Variants in STAC3 observed in about 807,000 individuals in gnomAD.
The protein encoded by STAC3 is SH3 and cysteine-rich domain-containing protein 3.
In STAC3, 30 loss-of-function variants were observed where a neutral mutation model predicts 48.5. That is an observed-to-expected ratio of 0.62 (90% CI 0.46 to 0.84). STAC3 has a LOEUF of 0.84. Among genes scored for constraint, STAC3 ranks in the 40% least tolerant of loss-of-function variants. The pLI is 0.00. For synonymous variants in STAC3, 144 were observed against 158.6 expected, an observed-to-expected ratio of 0.91 and a Z score of 0.69; for missense variants, 419 against 462.6, an observed-to-expected ratio of 0.91 and a Z score of 0.86.
intron 4 of STAC3, 179 bp from the exon 5 acceptor site, chr12:57,248,377 C>CTTTTTT (rs113333044): frequency 2.9e-5 from 13 of 452,548 alleles, no homozygotes; most frequent in South Asian, 4.9e-5. Context: ...CATGTCCCCT[C>CTTTTTT]TTTTTTTTTT....
At chr12:57,247,305 G>A (rs1019125152) in intron 5 of STAC3, among the ~76,000 whole-genome samples, 2 of 151,780 alleles carry the variant, frequency 1.3e-5, no homozygotes, top group Admixed American at 6.6e-5. Flanking sequence ...GCCACCAATA[G>A]GTTCTTCTTT....
Position 57,243,605 on chromosome 12 carries a change from G to C in STAC3, c.*207C>G. The C allele has an allele frequency of 1.4e-6, 1 of 698,004 alleles. No homozygotes were observed. The highest frequency in any genetic ancestry group is 2.6e-6 in the Non-Finnish European group (1 of 384,426). The allele number at this position is 698,004 out of a possible 1,614,324, so 43.2% of individuals were successfully genotyped here. A position where few individuals can be genotyped will look rare whatever the true frequency, so the allele number is the denominator to read the frequency against. ...GCGGGGCCTGAAAGGTTTCGGGTCCGGGCTGCTCTGGGCAGCAGGTATCCG... is the reference window on the plus strand; with the variant it reads ...GCGGGGCCTGAAAGGTTTCGGGTCCCGGCTGCTCTGGGCAGCAGGTATCCG... On this transcript the variant is annotated 3_prime_UTR_variant, in exon 12 of 12. Coordinates refer to ENST00000332782, the MANE Select transcript of STAC3 (RefSeq NM_145064.3).
At chr12:57,248,903 A>G (rs2037831100) in intron 3 of STAC3, 100 bp from the exon 4 acceptor site, 3 of 1,526,386 alleles carry the variant, frequency 2.0e-6, no homozygotes, top group Middle Eastern at 1.7e-4. Flanking sequence ...CTGGGACCCT[A>G]CTTGCTCAAT....
intron 5 of STAC3, 151 bp downstream of exon 5, chr12:57,247,975 C>G: frequency 1.3e-6 from 1 of 743,332 alleles, no homozygotes; most frequent in Non-Finnish European, 2.4e-6. Context: ...GATATTGCCT[C>G]TGCATCCAAA....
chr12:57,248,318 G>C (rs1221891956), intron 4 of STAC3, 120 bp from the exon 5 acceptor site: 3 of 830,516 alleles, frequency 3.6e-6, no homozygotes. Flanking sequence ...AAAAAGCAGA[G>C]AAATGAATGG....
At chr12:57,244,851 A>G (rs1341290415) in intron 8 of STAC3, 65 bp downstream of exon 8, 2 of 1,571,104 alleles carry the variant, frequency 1.3e-6, no homozygotes, top group Middle Eastern at 1.7e-4. Flanking sequence ...CAGGGCCATG[A>G]GTAGTGGTGT....
Position 57,249,184 on chromosome 12 carries a change from T to C in STAC3, c.191A>G (p.Tyr64Cys). The change falls in exon 3 of 12, where the codon TAT becomes TGT. Residue 64 changes from tyrosine (Y) to cysteine (C), a missense_variant. By Grantham distance (194) the Tyr-to-Cys change is radical. Coordinates refer to ENST00000332782, the MANE Select transcript of STAC3 (RefSeq NM_145064.3). ...CTCTTCTTCCTCTTCCTCTTCCTCA[T>C]AGATGTAGTAGATGGGCCCACCCCC... ...GAGGGPIYYI[Y>C]EEEEEEEEEE... 2 of 1,613,998 alleles carry C rather than the reference T, an allele frequency of 1.2e-6. No homozygotes were observed. The highest frequency in any genetic ancestry group is 1.1e-5 in the South Asian group (1 of 91,076).
In STAC3 at chr12:57,246,825, C is replaced by T; in HGVS notation, c.582G>A (p.Lys194=). The T allele has an allele frequency of 6.2e-7, 1 of 1,614,040 alleles. No individual in the cohort carries two copies. Among genetic ancestry groups the T allele is most frequent in the Non-Finnish European group, 8.5e-7 (1 of 1,179,916 alleles). ...GVIMANKERK[K]GQADKKNPVA... is the part of the protein sequence containing the mutation. ...TCACATTTTTCTTATCTGCCTGTCC[C>T]TTCTTCCGTTCCTTGTTTGCCATGA... is the stretch of plus-strand genomic sequence containing the variant. Residue 194 remains lysine (K), a synonymous_variant, in exon 6 of 12, where the codon AAG becomes AAA. Transcript: ENST00000332782.
Position 57,249,238 on chromosome 12 carries a change from G to A in STAC3, c.137C>T (p.Pro46Leu). 1.9e-6 allele frequency: 3 copies of A among 1,613,994 alleles called. No homozygotes were observed. Among genetic ancestry groups the A allele is most frequent in the Non-Finnish European group, 2.5e-6 (3 of 1,179,988 alleles). The stretch of plus-strand genomic sequence containing the variant: ...TCCCACTGCCTCCCCATTGGCCTGG[G>A]GCTCTGGGGGAAGTTCCATCTCCTT... ...GTKEMELPPE[P>L]QANGEAVGAG... Residue 46 changes from proline (P) to leucine (L), a missense_variant, in exon 3 of 12, where the codon CCC (proline) becomes CTC (leucine). Coordinates refer to ENST00000332782, the MANE Select transcript of STAC3 (RefSeq NM_145064.3).
At chr12:57,248,017 T>G in intron 5 of STAC3, 109 bp downstream of exon 5, 1 of 995,626 alleles carries the variant, frequency 1.0e-6, no homozygotes, top group Non-Finnish European at 1.6e-6. Flanking sequence ...GAGGGAGAAT[T>G]ATGGGAAACA....
rs756567336 is a variant in STAC3, at chr12:57,243,795, T to A, written c.*17A>T. On this transcript the variant is annotated 3_prime_UTR_variant, in exon 12 of 12. Coordinates refer to ENST00000332782, the MANE Select transcript of STAC3 (RefSeq NM_145064.3). ...GAATGGGGTGTGGGTGTCTCCCGCT[T>A]GCAGGCGCCCGCACGCCTAAATTTC... The A allele has an allele frequency of 6.2e-6, 10 of 1,612,370 alleles. No individual in the cohort carries two copies. Among genetic ancestry groups the A allele is most frequent in the Non-Finnish European group, 8.5e-6 (10 of 1,178,796 alleles).
intron 4 of STAC3, 115 bp from the exon 5 acceptor site, chr12:57,248,313 G>A: frequency 1.1e-6 from 1 of 879,820 alleles, no homozygotes; most frequent in Non-Finnish European, 1.9e-6. Context: ...GAAAGAAAAA[G>A]CAGAGAAATG....
Position 57,244,173 on chromosome 12 carries a change from AC to A in STAC3, c.910del (p.Val304SerfsTer10). On this transcript the variant is annotated frameshift_variant, in exon 11 of 12. Transcript: ENST00000332782. LOFTEE classifies it high-confidence loss of function. ...GCGGTGCACACGTTCTCCAGCCCGG[AC>A]CCGAATGATGAAGTTTGGAGGGAAA... is the stretch of plus-strand genomic sequence containing the variant. Reference protein sequence around the residue: ...GFFPPNFIIRVRAGERVHRVT... With the variant: ...GFFPPNFIIRXRAGERVHRVT... 1 of 1,614,044 alleles carries A rather than the reference AC, an allele frequency of 6.2e-7. No individual in the cohort carries two copies. Among genetic ancestry groups the A allele is most frequent in the Non-Finnish European group, 8.5e-7 (1 of 1,180,008 alleles).
Position 57,243,784 on chromosome 12 carries a change from T to C in STAC3, c.*28A>G, listed in dbSNP as rs2037662463. The C allele has an allele frequency of 1.2e-6, 2 of 1,601,536 alleles. No individual in the cohort carries two copies. Among genetic ancestry groups the C allele is most frequent in the East Asian group, 2.2e-5 (1 of 44,736 alleles). On this transcript the variant is annotated 3_prime_UTR_variant, in exon 12 of 12. Coordinates refer to ENST00000332782, the MANE Select transcript of STAC3 (RefSeq NM_145064.3). The stretch of plus-strand genomic sequence containing the variant: ...GGGCCCGCCCAGAATGGGGTGTGGG[T>C]GTCTCCCGCTTGCAGGCGCCCGCAC...
chr12:57,249,621 C>T lies in STAC3; in HGVS notation c.16G>A (p.Val6Met). Reference sequence around the variant, plus strand: ...AAGGAGGGCTTAGGGGACTCCAGCACCTCCTTTTCTGTCATCCTGCAAGAG... The same window carrying T: ...AAGGAGGGCTTAGGGGACTCCAGCATCTCCTTTTCTGTCATCCTGCAAGAG... MTEKE[V>M]LESPKPSFPA... is the part of the protein sequence containing the mutation. The change falls in exon 2 of 12, where the codon GTG becomes ATG. Residue 6 changes from valine (V) to methionine (M), a missense_variant. By Grantham distance (21) the Val-to-Met change is conservative. Coordinates refer to ENST00000332782, the MANE Select transcript of STAC3 (RefSeq NM_145064.3). The T allele has an allele frequency of 6.2e-7, 1 of 1,614,052 alleles. No individual in the cohort carries two copies.
In STAC3 at chr12:57,249,491, T is replaced by C. The variant is rs1045307963; in HGVS notation, c.66+80A>G. The C allele has an allele frequency of 3.9e-6, 6 of 1,546,876 alleles. No individual in the cohort carries two copies. The African/African-American group carries it at 8.2e-5, about 21-fold the overall frequency. On this transcript the variant is annotated intron_variant, in intron 2 of 11. Coordinates refer to ENST00000332782, the MANE Select transcript of STAC3 (RefSeq NM_145064.3). ...CAGCAAAAAATGAGTCACACACAAA[T>C]GAGATCAATTTAAGCACTCTTCTTC...
intron 8 of STAC3, 130 bp from the exon 9 acceptor site, chr12:57,244,752 G>T (rs896038099): frequency 1.4e-6 from 2 of 1,398,262 alleles, no homozygotes; most frequent in African/African-American, 1.4e-5. Context: ...ACTGAGAGAA[G>T]TGTTTTGGTC....
chr12:57,243,682 G>C lies in STAC3; in HGVS notation c.*130C>G, dbSNP rs781732443. ...GAACCAGTCCCTTCCCGGAAGCCCC[G>C]TCGCGCTCAGGCGGGCCTTCCTACC... On this transcript the variant is annotated 3_prime_UTR_variant, in exon 12 of 12. Coordinates refer to ENST00000332782, the MANE Select transcript of STAC3 (RefSeq NM_145064.3). 1.2e-6 allele frequency: 1 copy of C among 856,664 alleles called. No homozygotes were observed. The highest frequency in any genetic ancestry group is 1.9e-6 in the Non-Finnish European group (1 of 516,336). 53.1% of individuals were successfully genotyped at this position (856,664 alleles called of 1,614,324 possible).
Position 57,243,710 on chromosome 12 carries a change from T to A in STAC3, c.*102A>T, listed in dbSNP as rs913188971. The A allele has an allele frequency of 9.0e-7, 1 of 1,114,878 alleles. No individual in the cohort carries two copies. Among genetic ancestry groups the A allele is most frequent in the Non-Finnish European group, 1.3e-6 (1 of 747,530 alleles). 69.1% of individuals were successfully genotyped at this position (1,114,878 alleles called of 1,614,324 possible). On this transcript the variant is annotated 3_prime_UTR_variant, in exon 12 of 12. Coordinates refer to ENST00000332782, the MANE Select transcript of STAC3 (RefSeq NM_145064.3). ...GCGCTCAGGCGGGCCTTCCTACCCC[T>A]CCTCTCCCAGCAGTCCCGTTGCTTT...
Sources: gnomAD v4.1 joint callset for allele counts (sites outside exome capture counted in the v4.1 genomes callset) on GRCh38, gnomAD v4.1.1 for gene constraint, MANE v1.5 for transcripts, NCBI Gene and HGNC (gene_info 2026-07-23, HGNC 2026-07-21) for gene names.